IQGAP2: variants seen among roughly 807,000 people sequenced by gnomAD.
IQGAP2 encodes ras GTPase-activating-like protein IQGAP2.
Under a neutral mutation model 201.3 loss-of-function variants are expected in IQGAP2, and 173 were observed. That is an observed-to-expected ratio of 0.86 (90% CI 0.76 to 0.98). IQGAP2 has a LOEUF of 0.98. IQGAP2 is among the 50% of genes least tolerant of loss of function. IQGAP2 has a pLI of 0.00. For missense variants in IQGAP2, 1,687 were observed against 1,864.8 expected (o/e 0.90, Z 1.76); for synonymous variants, 675 against 673.9 (o/e 1.00, Z -0.03).
intron 1 of IQGAP2, 76 bp from the exon 2 acceptor site, chr5:76,461,491 ATTT>A: frequency 2.1e-6 from 2 of 936,192 alleles, no homozygotes; most frequent in East Asian, 5.0e-5. Context: ...GCTGCATATG[ATTT>A]TTTTCTGATT....
chr5:76,477,676 T>G (rs1444319912), intron 2 of IQGAP2, among the ~76,000 whole-genome samples: 4 of 152,178 alleles, frequency 2.6e-5, no homozygotes, highest in Non-Finnish European at 5.9e-5. Flanking sequence ...AAGCAAATTG[T>G]AAAATGGCCC....
At chr5:76,439,149 T>A (rs1299868627) in intron 1 of IQGAP2, among the ~76,000 whole-genome samples, 27 of 152,234 alleles carry the variant, frequency 1.8e-4, no homozygotes. Flanking sequence ...TTTCCATGTA[T>A]TTGTATAGTT....
At chr5:76,561,620 A>G (rs1399824716) in intron 2 of IQGAP2, among the ~76,000 whole-genome samples, 1 of 152,194 alleles carries the variant, frequency 6.6e-6, no homozygotes, top group Non-Finnish European at 1.5e-5. Context: ...GAGTATCCTC[A>G]TGACTCTGGC....
intron 1 of IQGAP2, among the ~76,000 whole-genome samples, chr5:76,452,533 G>GA (rs1230904346): frequency 6.6e-6 from 1 of 151,870 alleles, no homozygotes; most frequent in Non-Finnish European, 1.5e-5. Flanking sequence ...GGATCTCTGA[G>GA]AAAAAAGCCT....
At chr5:76,581,719 A>G (rs1169242951) in intron 5 of IQGAP2, among the ~76,000 whole-genome samples, 1 of 152,180 alleles carries the variant, frequency 6.6e-6, no homozygotes, top group Non-Finnish European at 1.5e-5. Flanking sequence ...TTTCTCTATG[A>G]TAAGGCTACC....
At chr5:76,690,482 T>C (rs529697001) in intron 30 of IQGAP2, among the ~76,000 whole-genome samples, 1 of 152,262 alleles carries the variant, frequency 6.6e-6, no homozygotes, top group South Asian at 2.1e-4. Context: ...CAAAGGTCTC[T>C]CTCCGGGCCA....
At chr5:76,437,175 C>T (rs1752755407) in intron 1 of IQGAP2, among the ~76,000 whole-genome samples, 1 of 152,002 alleles carries the variant, frequency 6.6e-6, no homozygotes, top group Non-Finnish European at 1.5e-5. Context: ...TCTCAGCCTC[C>T]TGAGTAGCTG....
At chr5:76,562,878 C>A (rs746581665) in intron 3 of IQGAP2, among the ~76,000 whole-genome samples, 13 of 152,256 alleles carry the variant, frequency 8.5e-5, no homozygotes, top group Non-Finnish European at 1.6e-4. Context: ...TTCACTTGAA[C>A]TTGTGGCCCT....
intron 1 of IQGAP2, among the ~76,000 whole-genome samples, chr5:76,429,361 C>T (rs918362679): frequency 2.0e-5 from 3 of 151,026 alleles, no homozygotes. Flanking sequence ...TCACGAGGTC[C>T]GGAGATCGAG....
At position 76,403,518 on chromosome 5, in the gene IQGAP2, CCCGGGCGGGCCCCCGGAGACGCGCA is replaced by C. The variant is rs1561345437; in HGVS notation, c.-27_-3del. 6.8e-7 allele frequency: 1 copy of C among 1,465,964 alleles called. No homozygotes were observed. The highest frequency in any genetic ancestry group is 2.6e-5 in the Admixed American group (1 of 38,208). 90.8% of individuals were successfully genotyped at this position (1,465,964 alleles called of 1,614,324 possible). On this transcript the variant is annotated 5_prime_UTR_variant, in exon 1 of 36. Coordinates refer to ENST00000274364, the MANE Select transcript of IQGAP2 (RefSeq NM_006633.5). The surrounding 1 kb of genome is among the most constrained non-coding windows in gnomAD (Gnocchi z 4.8). ...GCGAGGGTAGCCGCGGGGGGCGCGC[CCCGGGCGGGCCCCCGGAGACGCGCA>C]GGATGCCACACGAAGAGCTGCCGTC...
intron 35 of IQGAP2, among the ~76,000 whole-genome samples, chr5:76,705,327 T>C (rs1747778567): frequency 6.6e-6 from 1 of 152,164 alleles, no homozygotes; most frequent in Non-Finnish European, 1.5e-5. Flanking sequence ...CCTTGTGAAA[T>C]TGGCAGTGTT....
intron 2 of IQGAP2, among the ~76,000 whole-genome samples, chr5:76,558,302 A>G (rs950262422): frequency 6.6e-6 from 1 of 151,398 alleles, no homozygotes; most frequent in Non-Finnish European, 1.5e-5. Context: ...CCCAGCCCCT[A>G]CCCCTCACAC....
chr5:76,623,121 A>G (rs754323126), intron 13 of IQGAP2: 2 of 1,584,784 alleles, frequency 1.3e-6, no homozygotes, highest in Non-Finnish European at 1.7e-6. Context: ...CTTAATTTGT[A>G]ACAGAAACCC....
chr5:76,409,039 C>T (rs1032315537), intron 1 of IQGAP2, among the ~76,000 whole-genome samples: 5 of 151,714 alleles, frequency 3.3e-5, no homozygotes, highest in South Asian at 2.1e-4. Context: ...GTGATCCGCC[C>T]GGCTCAGCCT....
At chr5:76,614,798 G>A (rs1185033424) in intron 13 of IQGAP2, among the ~76,000 whole-genome samples, 4 of 151,222 alleles carry the variant, frequency 2.6e-5, no homozygotes, top group Admixed American at 6.6e-5. Context: ...TGTTTATGAT[G>A]GTATTTCTGT....
intron 12 of IQGAP2, among the ~76,000 whole-genome samples, chr5:76,610,377 A>C (rs1295332242): frequency 6.6e-6 from 1 of 151,630 alleles, no homozygotes; most frequent in African/African-American, 2.4e-5. Flanking sequence ...TCCAAACCAC[A>C]GTATGATACC....
intron 2 of IQGAP2, among the ~76,000 whole-genome samples, chr5:76,560,411 C>T (rs3913474): frequency 0.18 from 27,144 of 151,766 alleles, 2,767 homozygotes; most frequent in Admixed American, 0.28. Context: ...CCCACCTCAC[C>T]CTCCCAAAGT....
chr5:76,623,512 A>T, intron 13 of IQGAP2: 1 of 401,322 alleles, frequency 2.5e-6, no homozygotes, highest in East Asian at 4.2e-5. Context: ...CCAACAATCT[A>T]TTCTGAATAG....
intron 1 of IQGAP2, among the ~76,000 whole-genome samples, chr5:76,431,331 G>A (rs1752355531): frequency 6.6e-6 from 1 of 151,842 alleles, no homozygotes; most frequent in Non-Finnish European, 1.5e-5. Context: ...AATATAAAAT[G>A]TTTCATATTT....
Sources: allele counts gnomAD v4.1 joint callset (sites outside exome capture counted in the v4.1 genomes callset), GRCh38; gene constraint gnomAD v4.1.1; non-coding constraint Gnocchi (gnomAD v3.1); transcripts MANE v1.5; gene names NCBI Gene and HGNC (gene_info 2026-07-23, HGNC 2026-07-21).